SMAD2: variants seen among roughly 807,000 people sequenced by gnomAD.
SMAD2 encodes the protein MAD homolog 2.
In SMAD2, 8 loss-of-function variants were observed where a neutral mutation model predicts 64.4. That is an observed-to-expected ratio of 0.12 (90% CI 0.07 to 0.22). The LOEUF (loss-of-function observed/expected upper bound fraction) is 0.22, where lower values mean the gene tolerates loss of function less well. Among genes scored for constraint, SMAD2 ranks in the 10% least tolerant of loss-of-function variants. SMAD2 has a pLI of 1.00. For synonymous variants in SMAD2, 203 were observed against 195.8 expected, an observed-to-expected ratio of 1.04 and a Z score of -0.31; for missense variants, 289 against 561.2, an observed-to-expected ratio of 0.51 and a Z score of 4.90.
rs368203344 is a variant in SMAD2, at chr18:47,851,239, A to C, written c.784+35T>G. The C allele has an allele frequency of 2.6e-5, 38 of 1,439,032 alleles. 1 individual carries two copies. The highest frequency in any genetic ancestry group is 2.8e-5 in the Non-Finnish European group (29 of 1,021,514). The allele number at this position is 1,439,032 out of a possible 1,614,324, so 89.1% of individuals were successfully genotyped here. A position where few individuals can be genotyped will look rare whatever the true frequency, so the allele number is the denominator to read the frequency against. ...TTTATTATTAAGTAGGTGATACAGT[A>C]TAAAAATGATGAGGGGAACATATGT... On this transcript the variant is annotated intron_variant, in intron 7 of 10. Transcript: ENST00000262160.
chr18:47,847,207 G>A (rs1914582670), intron 8 of SMAD2, among the ~76,000 whole-genome samples: 1 of 152,106 alleles, frequency 6.6e-6, no homozygotes, highest in South Asian at 2.1e-4. Flanking sequence ...AGCACCTACA[G>A]CGACACTGGG....
rs968791544 is a variant in SMAD2 at position 47,835,419 on chromosome 18, C to A, written c.*6408G>T. The A allele has an allele frequency of 4.9e-6, 1 of 202,110 alleles. No homozygotes were observed. Among genetic ancestry groups the A allele is most frequent in the Admixed American group, 6.0e-5 (1 of 16,684 alleles). The allele number at this position is 202,110 out of a possible 1,614,324, so 12.5% of individuals were successfully genotyped here. A position where few individuals can be genotyped will look rare whatever the true frequency, so the allele number is the denominator to read the frequency against. On this transcript the variant is annotated 3_prime_UTR_variant, in exon 11 of 11. Transcript: ENST00000262160. ...GAACCTATATTCACCAGAAAAGGATCCTCCTGTTTCTCATCAAATTTTTTT... is the reference window on the plus strand; with the variant it reads ...GAACCTATATTCACCAGAAAAGGATACTCCTGTTTCTCATCAAATTTTTTT...
In SMAD2 at chr18:47,820,801, C is replaced by T. The variant is rs890072022; in HGVS notation, c.*21026G>A. 1 of 151,800 alleles carries T rather than the reference C, an allele frequency of 6.6e-6. No homozygotes were observed. The highest frequency in any genetic ancestry group is 2.4e-5 in the African/African-American group (1 of 41,288). The allele number at this position is 151,800 out of a possible 1,614,324, so 9.4% of individuals were successfully genotyped here. ...ATAAGACATTGAGCTTACATATATA[C>T]TTGTACATATGTATATGTACAATAA... On this transcript the variant is annotated 3_prime_UTR_variant, in exon 11 of 11. Coordinates refer to ENST00000262160, the MANE Select transcript of SMAD2 (RefSeq NM_005901.6).
At chr18:47,843,134 T>C (rs966716976) in intron 10 of SMAD2, among the ~76,000 whole-genome samples, 4 of 152,198 alleles carry the variant, frequency 2.6e-5, no homozygotes, top group African/African-American at 9.7e-5. Flanking sequence ...TGCAGGTATC[T>C]GCATTTCTGT....
chr18:47,855,589 C>A (rs1332784399), intron 6 of SMAD2, among the ~76,000 whole-genome samples: 2 of 152,120 alleles, frequency 1.3e-5, no homozygotes, highest in African/African-American at 2.4e-5. Context: ...TGAAGGACAG[C>A]TTTACTGGTT....
At chr18:47,919,469 T>TACACACACACAC (rs66523523) in intron 1 of SMAD2, among the ~76,000 whole-genome samples, 6 of 129,958 alleles carry the variant, frequency 4.6e-5, no homozygotes, top group African/African-American at 1.8e-4. Context: ...AAAAAAAAAA[T>TACACACACACAC]ACACACACAC....
chr18:47,813,291 T>G lies in SMAD2; in HGVS notation c.*28536A>C, dbSNP rs1912260466. The G allele has an allele frequency of 6.6e-6, 1 of 152,080 alleles. No individual in the cohort carries two copies. Among genetic ancestry groups the G allele is most frequent in the Non-Finnish European group, 1.5e-5 (1 of 68,056 alleles). The allele number at this position is 152,080 out of a possible 1,614,324, so 9.4% of individuals were successfully genotyped here. On this transcript the variant is annotated 3_prime_UTR_variant, in exon 11 of 11. Coordinates refer to ENST00000262160, the MANE Select transcript of SMAD2 (RefSeq NM_005901.6). ...TCTCACTTTGTCATCCAGGCTAGAG[T>G]GCAGTAGCACAAACATGGCTCATGA... is the stretch of plus-strand genomic sequence containing the variant.
chr18:47,928,449 G>A (rs1295486393), intron 1 of SMAD2, among the ~76,000 whole-genome samples: 2 of 152,168 alleles, frequency 1.3e-5, no homozygotes, highest in Non-Finnish European at 2.9e-5. Context: ...AAAATGAAAA[G>A]GGGACAACAA....
intron 1 of SMAD2, among the ~76,000 whole-genome samples, chr18:47,919,469 TACACACACACAC>T (rs66523523): frequency 0.068 from 8,881 of 129,874 alleles, 391 homozygotes; most frequent in Middle Eastern, 0.11. Flanking sequence ...AAAAAAAAAA[TACACACACACAC>T]ACACACACAC....
chr18:47,856,486 G>A (rs1458715056), intron 6 of SMAD2, among the ~76,000 whole-genome samples: 1 of 152,134 alleles, frequency 6.6e-6, no homozygotes, highest in African/African-American at 2.4e-5. Context: ...CTAATTTACT[G>A]AATACAGACT....
chr18:47,850,633 T>A (rs1342058675), intron 7 of SMAD2, among the ~76,000 whole-genome samples: 1 of 46,762 alleles, frequency 2.1e-5, no homozygotes, highest in Non-Finnish European at 3.4e-5. Context: ...TATATATATA[T>A]TATATATATT....
intron 1 of SMAD2, among the ~76,000 whole-genome samples, chr18:47,907,969 C>G (rs746110613): frequency 3.1e-4 from 47 of 152,186 alleles, no homozygotes; most frequent in Non-Finnish European, 5.7e-4. Flanking sequence ...CATTTGAAGT[C>G]TGTGCATTTT....
intron 2 of SMAD2, among the ~76,000 whole-genome samples, chr18:47,896,230 G>A (rs2033433204): frequency 6.6e-6 from 1 of 152,186 alleles, no homozygotes; most frequent in South Asian, 2.1e-4. Flanking sequence ...GATAGAAAAA[G>A]CTTCAATTCT....
rs532107665 is a variant in SMAD2, at chr18:47,811,309, A to G, written c.*30518T>C. On this transcript the variant is annotated 3_prime_UTR_variant, in exon 11 of 11. Transcript: ENST00000262160. ...ACACGGTGAAACCCTGTCTCCACTA[A>G]AAATACAAAAATTAGCCAGGCGTGG... is the stretch of plus-strand genomic sequence containing the variant. The G allele has an allele frequency of 2.0e-5, 3 of 152,310 alleles. No individual in the cohort carries two copies. The South Asian group carries it at 6.2e-4, about 32-fold the overall frequency. 9.4% of individuals were successfully genotyped at this position (152,310 alleles called of 1,614,324 possible). A position where few individuals can be genotyped will look rare whatever the true frequency, so the allele number is the denominator to read the frequency against.
In SMAD2 at chr18:47,837,894, TA is replaced by T. The variant is rs1913583003; in HGVS notation, c.*3932del. On this transcript the variant is annotated 3_prime_UTR_variant, in exon 11 of 11. Transcript: ENST00000262160. ...ACTGTACATGAAGACATATTTTATG[TA>T]CAGTGAAGATTGTCTTGTGTTACTT... The T allele has an allele frequency of 4.3e-6, 1 of 232,718 alleles. No homozygotes were observed. The highest frequency in any genetic ancestry group is 8.5e-6 in the Non-Finnish European group (1 of 117,604). 14.4% of individuals were successfully genotyped at this position (232,718 alleles called of 1,614,324 possible).
chr18:47,868,572 C>G, intron 4 of SMAD2, 115 bp from the exon 5 acceptor site: 1 of 785,596 alleles, frequency 1.3e-6, no homozygotes, highest in Non-Finnish European at 2.2e-6. Flanking sequence ...AAGCTAGGGT[C>G]CACCTACTCG....
chr18:47,874,290 G>C (rs976057717), intron 2 of SMAD2, among the ~76,000 whole-genome samples: 2 of 152,004 alleles, frequency 1.3e-5, no homozygotes, highest in African/African-American at 4.8e-5. Context: ...GGAATATTCT[G>C]ATCAAGAGAA....
intron 7 of SMAD2, among the ~76,000 whole-genome samples, chr18:47,850,167 T>A: frequency 8.4e-6 from 1 of 119,108 alleles, no homozygotes; most frequent in Middle Eastern, 3.7e-3. Context: ...TACATATATG[T>A]GCACACTCTC....
intron 6 of SMAD2, among the ~76,000 whole-genome samples, chr18:47,858,967 T>A (rs1362480360): frequency 3.9e-5 from 6 of 152,028 alleles, no homozygotes; most frequent in Non-Finnish European, 8.8e-5. Flanking sequence ...AAGACAAAAA[T>A]TGTTAGATTA....
Sources: gnomAD v4.1 joint callset for allele counts (sites outside exome capture counted in the v4.1 genomes callset) on GRCh38, gnomAD v4.1.1 for gene constraint, MANE v1.5 for transcripts, NCBI Gene and HGNC (gene_info 2026-07-23, HGNC 2026-07-21) for gene names.